MYOM1: variants seen among roughly 807,000 people sequenced by gnomAD.
MYOM1 encodes myomesin 1, also known as myomesin-1.
Under a neutral mutation model 205.3 loss-of-function variants are expected in MYOM1, and 164 were observed. The ratio of observed to expected loss-of-function variants is 0.80; its 90% confidence interval spans 0.70 to 0.91. MYOM1 has a LOEUF of 0.91. Ranked by LOEUF, MYOM1 falls within the 40% of genes least tolerant of loss-of-function variation. The pLI is 0.00. For missense variants in MYOM1, 2,011 were observed against 2,127.3 expected (o/e 0.95, Z 1.08); for synonymous variants, 772 against 789.4 (o/e 0.98, Z 0.37).
At chr18:3,200,822 GA>G (rs1393578237) in intron 2 of MYOM1, among the ~76,000 whole-genome samples, 1 of 152,068 alleles carries the variant, frequency 6.6e-6, no homozygotes, top group Admixed American at 6.5e-5. Flanking sequence ...TATATTTGAA[GA>G]AATAATAGAC....
chr18:3,204,115 A>C (rs916390246), intron 2 of MYOM1, among the ~76,000 whole-genome samples: 3 of 151,598 alleles, frequency 2.0e-5, no homozygotes, highest in Non-Finnish European at 4.4e-5. Context: ...AAACTGATAA[A>C]GGCCATCTAC....
In MYOM1 at chr18:3,083,805, C is replaced by T. The variant is rs749284571; in HGVS notation, c.4468G>A (p.Val1490Ile). The change falls in exon 33 of 38, where the codon GTT becomes ATT. Residue 1490 changes from valine (V) to isoleucine (I), a missense_variant. Physicochemically the swap from Val to Ile is conservative, Grantham distance 29. Coordinates refer to ENST00000356443, the MANE Select transcript of MYOM1 (RefSeq NM_003803.4). Reference sequence around the variant, plus strand: ...TTTACTTACTTGTGGGACCAGTTAACTTTCAAATCCTCCACATAGTAAGTT... The same window carrying T: ...TTTACTTACTTGTGGGACCAGTTAATTTTCAAATCCTCCACATAGTAAGTT... ...FVTYYVEDLK[V>I]NWSHNGSAIR... 45 of 1,571,778 alleles carry T rather than the reference C, an allele frequency of 2.9e-5. No homozygotes were observed. Among genetic ancestry groups the T allele is most frequent in the Non-Finnish European group, 3.6e-5 (42 of 1,157,220 alleles).
chr18:3,111,366 A>G (rs141205430), intron 22 of MYOM1, among the ~76,000 whole-genome samples: 1 of 152,254 alleles, frequency 6.6e-6, no homozygotes, highest in East Asian at 1.9e-4. Flanking sequence ...CAATGAACAC[A>G]GTAAACTCTG....
the MYOM1 span, among the ~76,000 whole-genome samples, chr18:3,226,236 C>T: frequency 6.6e-6 from 1 of 152,124 alleles, no homozygotes; most frequent in Non-Finnish European, 1.5e-5. The surrounding 1 kb of genome is among the most constrained non-coding windows in gnomAD (Gnocchi z 4.6). Flanking sequence ...CTGCAGTAAG[C>T]CAGGCACTGG....
At chr18:3,176,482 CTAAT>C (rs1386634130) in intron 5 of MYOM1, among the ~76,000 whole-genome samples, 1 of 148,638 alleles carries the variant, frequency 6.7e-6, no homozygotes, top group African/African-American at 2.5e-5. Flanking sequence ...AAACAAAAAA[CTAAT>C]TAATGCTACT....
At chr18:3,109,229 C>T (rs1165098048) in intron 22 of MYOM1, among the ~76,000 whole-genome samples, 3 of 150,016 alleles carry the variant, frequency 2.0e-5, no homozygotes, top group African/African-American at 4.9e-5. Flanking sequence ...GTAATCCGCC[C>T]GCCTTGGCCT....
chr18:3,188,355 A>C (rs768315713), intron 4 of MYOM1, among the ~76,000 whole-genome samples: 3 of 152,150 alleles, frequency 2.0e-5, no homozygotes, highest in Non-Finnish European at 2.9e-5. Context: ...AGTGGCTCAC[A>C]CCTATAATCC....
the MYOM1 span, among the ~76,000 whole-genome samples, chr18:3,241,800 C>T: frequency 6.6e-6 from 1 of 152,204 alleles, no homozygotes; most frequent in Non-Finnish European, 1.5e-5. Flanking sequence ...CCTGCAAAGC[C>T]ACAGGAGCAG....
At chr18:3,231,378 G>A in the MYOM1 span, among the ~76,000 whole-genome samples, 1 of 152,128 alleles carries the variant, frequency 6.6e-6, no homozygotes, top group Admixed American at 6.5e-5. Context: ...GTGGCAGGGA[G>A]CAAACAAAAC....
intron 37 of MYOM1, 60 bp downstream of exon 37, chr18:3,071,774 G>T (rs1280841897): frequency 1.3e-6 from 2 of 1,517,166 alleles, no homozygotes; most frequent in Non-Finnish European, 1.8e-6. Flanking sequence ...AACAAAATCT[G>T]GGGTGCTGGA....
At chr18:3,074,532 AAG>A (rs2078998725) in intron 36 of MYOM1, among the ~76,000 whole-genome samples, 1 of 152,186 alleles carries the variant, frequency 6.6e-6, no homozygotes, top group African/African-American at 2.4e-5. Flanking sequence ...AGTGACTCCT[AAG>A]ATCCTGTAAG....
intron 22 of MYOM1, among the ~76,000 whole-genome samples, chr18:3,109,814 A>G (rs185438200): frequency 3.9e-5 from 6 of 152,270 alleles, no homozygotes; most frequent in Non-Finnish European, 7.4e-5. Context: ...TCTAATAGAG[A>G]CAGGTCCCAC....
intron 25 of MYOM1, among the ~76,000 whole-genome samples, chr18:3,097,705 C>T (rs1005904498): frequency 1.3e-5 from 2 of 152,142 alleles, no homozygotes; most frequent in African/African-American, 4.8e-5. Flanking sequence ...CCTTGCCCAG[C>T]CGAATGTCAG....
chr18:3,171,726 T>C (rs535202387), intron 8 of MYOM1, among the ~76,000 whole-genome samples: 1 of 152,318 alleles, frequency 6.6e-6, no homozygotes, highest in Non-Finnish European at 1.5e-5. Flanking sequence ...TATTTTGCGA[T>C]GTGAAAAGTC....
chr18:3,208,266 TTGG>T (rs2081150063), intron 2 of MYOM1, among the ~76,000 whole-genome samples: 1 of 152,130 alleles, frequency 6.6e-6, no homozygotes, highest in Admixed American at 6.5e-5. Flanking sequence ...TCCCAGCACT[TTGG>T]GATGCCAAGG....
chr18:3,235,527 G>C, the MYOM1 span, among the ~76,000 whole-genome samples: 5 of 152,148 alleles, frequency 3.3e-5, no homozygotes, highest in Admixed American at 6.5e-5. Context: ...TGCTTCCCTT[G>C]TTGGCCTCAT....
chr18:3,168,968 T>TG lies in MYOM1; in HGVS notation c.1187dup (p.Tyr397IlefsTer8), dbSNP rs907635394. The stretch of plus-strand genomic sequence containing the variant: ...TCTCAAACCGGGATGCATAACCATA[T>TG]GGGGTCACACCAACTGGGTACAAAA... On this transcript the variant is annotated frameshift_variant, in exon 9 of 38. Transcript: ENST00000356443. LOFTEE classifies it high-confidence loss of function. The TG allele has an allele frequency of 1.2e-6, 2 of 1,612,360 alleles. No homozygotes were observed. Among genetic ancestry groups the TG allele is most frequent in the African/African-American group, 2.7e-5 (2 of 74,796 alleles).
chr18:3,110,948 T>C (rs2079517292), intron 22 of MYOM1, among the ~76,000 whole-genome samples: 1 of 148,326 alleles, frequency 6.7e-6, no homozygotes, highest in Non-Finnish European at 1.5e-5. Flanking sequence ...AGTTTTCTTT[T>C]TTAAATTTTC....
the MYOM1 span, among the ~76,000 whole-genome samples, chr18:3,232,512 G>T: frequency 6.6e-6 from 1 of 152,172 alleles, no homozygotes. Context: ...GCACTCTGGG[G>T]TGATGGGTAT....
Sources: allele counts gnomAD v4.1 joint callset (sites outside exome capture counted in the v4.1 genomes callset), GRCh38; gene constraint gnomAD v4.1.1; non-coding constraint Gnocchi (gnomAD v3.1); transcripts MANE v1.5; gene names NCBI Gene and HGNC (gene_info 2026-07-23, HGNC 2026-07-21).